SCN8A: variants seen among roughly 807,000 people sequenced by gnomAD.
SCN8A encodes sodium channel protein type 8 subunit alpha.
Under a neutral mutation model 184.1 loss-of-function variants are expected in SCN8A, and 30 were observed. That is an observed-to-expected ratio of 0.16 (90% CI 0.12 to 0.22). The LOEUF (loss-of-function observed/expected upper bound fraction) is 0.22, where lower values mean the gene tolerates loss of function less well. Ranked by LOEUF, SCN8A falls within the 10% of genes least tolerant of loss-of-function variation. The probability of loss-of-function intolerance (pLI) is 1.00; values close to 1 mark genes in which losing one functional copy is unlikely to be tolerated. For synonymous variants in SCN8A, 852 were observed against 907.0 expected (o/e 0.94, Z 1.09); for missense variants, 1,057 against 2,498.9 (o/e 0.42, Z 12.30).
chr12:51,772,765 A>T (rs796616509), intron 19 of SCN8A, among the ~76,000 whole-genome samples: 1 of 139,216 alleles, frequency 7.2e-6, no homozygotes, highest in Admixed American at 7.1e-5. Flanking sequence ...CGAATCACGA[A>T]GTCAGGAGAT....
At position 51,654,094 on chromosome 12, in the gene SCN8A, T is replaced by C. The variant is rs1380631281; in HGVS notation, c.-54-8670T>C. The stretch of plus-strand genomic sequence containing the variant: ...GTTCTTTATATATTCTGGGTATTAA[T>C]TCTATCACAGATACAATTTGCAAAT... On this transcript the variant is annotated intron_variant, in intron 1 of 26. Coordinates refer to ENST00000627620, the MANE Select transcript of SCN8A (RefSeq NM_001330260.2). Among the ~76,000 whole-genome samples the C allele has an allele frequency of 2.0e-5, 3 of 152,326 alleles. No individual in the cohort carries two copies. In the East Asian group the frequency reaches 5.8e-4, roughly 29 times the overall value.
At chr12:51,622,789 G>A (rs1025801968) in intron 1 of SCN8A, among the ~76,000 whole-genome samples, 1 of 152,112 alleles carries the variant, frequency 6.6e-6, no homozygotes, top group African/African-American at 2.4e-5. Context: ...GAGGAGGAGT[G>A]AGGATTAAGC....
chr12:51,733,493 G>C (rs1396119341), intron 12 of SCN8A, among the ~76,000 whole-genome samples: 4 of 151,976 alleles, frequency 2.6e-5, no homozygotes, highest in Admixed American at 2.6e-4. Flanking sequence ...ATGTATTTTT[G>C]CATCAATATT....
intron 11 of SCN8A, among the ~76,000 whole-genome samples, chr12:51,708,167 TG>T (rs1308294943): frequency 6.6e-6 from 1 of 152,222 alleles, no homozygotes; most frequent in Non-Finnish European, 1.5e-5. Flanking sequence ...GTTTAAGAAT[TG>T]CATTTAATTA....
chr12:51,741,686 C>T (rs1942426204), intron 12 of SCN8A, among the ~76,000 whole-genome samples: 1 of 152,068 alleles, frequency 6.6e-6, no homozygotes, highest in African/African-American at 2.4e-5. Context: ...ATTAATGTCT[C>T]ATAATCCATT....
intron 14 of SCN8A, among the ~76,000 whole-genome samples, chr12:51,761,806 C>T (rs1034390200): frequency 6.6e-6 from 1 of 151,914 alleles, no homozygotes; most frequent in African/African-American, 2.4e-5. Flanking sequence ...GAATTTTATA[C>T]AGGCAGTAAG....
At chr12:51,650,972 T>C (rs1299786520) in intron 1 of SCN8A, among the ~76,000 whole-genome samples, 2 of 152,202 alleles carry the variant, frequency 1.3e-5, no homozygotes, top group Admixed American at 1.3e-4. Context: ...GTATCCCTTA[T>C]GGGAAATGAA....
chr12:51,671,040 G>A (rs771788244), intron 2 of SCN8A, among the ~76,000 whole-genome samples: 16 of 152,108 alleles, frequency 1.1e-4, no homozygotes, highest in Non-Finnish European at 2.4e-4. Flanking sequence ...TACTTTAGAG[G>A]CTTATGGTGC....
At position 51,774,259 on chromosome 12, in the gene SCN8A, T is replaced by C; in HGVS notation, c.3716T>C (p.Phe1239Ser). Residue 1239 changes from phenylalanine to serine, a missense_variant, in exon 20 of 27, where the codon TTC (phenylalanine) becomes TCC (serine). By Grantham distance (155) the Phe-to-Ser change is radical (BLOSUM62 -2). Around this residue, in one of 19 missense-constraint regions of SCN8A, gnomAD observed 43 missense variants for 118.4 expected, o/e 0.36. Coordinates refer to ENST00000627620, the MANE Select transcript of SCN8A (RefSeq NM_001330260.2). ...ATCCTGGAATATGCTGACAAAGTCTTCACCTATATCTTCATCCTGGAGATG... is the reference window on the plus strand; with the variant it reads ...ATCCTGGAATATGCTGACAAAGTCTCCACCTATATCTTCATCCTGGAGATG... ...RTILEYADKVFTYIFILEMLL... is the reference protein window; with the variant it reads ...RTILEYADKVSTYIFILEMLL... 6.2e-7 allele frequency: 1 copy of C among 1,614,160 alleles called. No individual in the cohort carries two copies. The highest frequency in any genetic ancestry group is 8.5e-7 in the Non-Finnish European group (1 of 1,179,996).
At chr12:51,780,361 A>C (rs890414587) in intron 20 of SCN8A, 2 of 340,276 alleles carry the variant, frequency 5.9e-6, no homozygotes, top group Non-Finnish European at 1.1e-5. Flanking sequence ...CCCTTTTCCA[A>C]CTTGTGTGTA....
Position 51,661,357 on chromosome 12 carries a change from G to A in SCN8A, c.-54-1407G>A, listed in dbSNP as rs895787026. ...TATGTGGGGCAAACTTGTGGTTATG[G>A]CCTCTTTAGCCCCCTGCTGTGAGTG... On this transcript the variant is annotated intron_variant, in intron 1 of 26. Coordinates refer to ENST00000627620, the MANE Select transcript of SCN8A (RefSeq NM_001330260.2). Among the ~76,000 whole-genome samples the A allele has an allele frequency of 9.9e-5, 15 of 152,278 alleles. 1 individual carries two copies. The highest frequency in any genetic ancestry group is 3.1e-4 in the African/African-American group (13 of 41,546).
intron 1 of SCN8A, among the ~76,000 whole-genome samples, chr12:51,651,244 T>C (rs893853348): frequency 6.6e-6 from 1 of 152,090 alleles, no homozygotes; most frequent in Non-Finnish European, 1.5e-5. Flanking sequence ...TATGGCCAGA[T>C]TTTGGGGGGC....
At chr12:51,721,114 ATTTATTGT>A (rs1482145315) in intron 11 of SCN8A, among the ~76,000 whole-genome samples, 2,394 of 103,104 alleles carry the variant, frequency 0.023, 35 homozygotes, top group Non-Finnish European at 0.029. Flanking sequence ...TATAATATTT[ATTTATTGT>A]TATATATATA....
At chr12:51,732,703 A>G (rs113382130) in intron 12 of SCN8A, among the ~76,000 whole-genome samples, 2 of 152,294 alleles carry the variant, frequency 1.3e-5, no homozygotes, top group African/African-American at 4.8e-5. Flanking sequence ...CGAACATGGA[A>G]TATCTTTCCA....
chr12:51,734,506 G>GCGAT (rs1942292688), intron 12 of SCN8A, among the ~76,000 whole-genome samples: 1 of 152,274 alleles, frequency 6.6e-6, no homozygotes, highest in Non-Finnish European at 1.5e-5. Flanking sequence ...GATCGCTCAT[G>GCGAT]CTATTGTTTG....
intron 15 of SCN8A, among the ~76,000 whole-genome samples, chr12:51,764,660 A>T (rs991029944): frequency 1.1e-4 from 16 of 152,204 alleles, no homozygotes; most frequent in East Asian, 7.7e-4. Flanking sequence ...AATAAATAAA[A>T]AATAATTAAC....
chr12:51,738,852 C>CAGAA (rs1342765517), intron 12 of SCN8A, among the ~76,000 whole-genome samples: 1 of 152,184 alleles, frequency 6.6e-6, no homozygotes, highest in Non-Finnish European at 1.5e-5. Context: ...GTTCCCCAGG[C>CAGAA]AGAAGGCTCA....
chr12:51,636,069 A>G (rs952557003), intron 1 of SCN8A, among the ~76,000 whole-genome samples: 2 of 152,146 alleles, frequency 1.3e-5, no homozygotes, highest in African/African-American at 4.8e-5. Context: ...ATCTGGGCTC[A>G]TTGCAAGCTC....
In SCN8A at chr12:51,719,955, A is replaced by G. The variant is rs969411901; in HGVS notation, c.1636-1591A>G. Among the ~76,000 whole-genome samples the G allele has an allele frequency of 6.9e-4, 105 of 151,640 alleles. 1 individual carries two copies. Among genetic ancestry groups the G allele is most frequent in the South Asian group, 2.1e-4 (1 of 4,804 alleles). ...GCCGGGCGTGGTAGCGGGCGCCTGT[A>G]GTCCCAGCTACTCGGGAGGCTGAGG... On this transcript the variant is annotated intron_variant, in intron 11 of 26. Coordinates refer to ENST00000627620, the MANE Select transcript of SCN8A (RefSeq NM_001330260.2).
Sources: allele counts gnomAD v4.1 joint callset (sites outside exome capture counted in the v4.1 genomes callset), GRCh38; gene constraint gnomAD v4.1.1; regional missense constraint gnomAD v4.1.1; transcripts MANE v1.5; gene names NCBI Gene and HGNC (gene_info 2026-07-23, HGNC 2026-07-21).